Variants in GRIN3A observed in about 807,000 individuals in gnomAD.
GRIN3A encodes glutamate receptor ionotropic, NMDA 3A.
In GRIN3A, 47 loss-of-function variants were observed where a neutral mutation model predicts 92.4. The ratio of observed to expected loss-of-function variants is 0.51; its 90% confidence interval spans 0.40 to 0.65. GRIN3A has a LOEUF of 0.65. GRIN3A is among the 30% of genes least tolerant of loss of function. GRIN3A has a pLI of 0.00. For synonymous variants in GRIN3A, 527 were observed against 540.6 expected, an observed-to-expected ratio of 0.97 and a Z score of 0.35; for missense variants, 1,324 against 1,393.1, an observed-to-expected ratio of 0.95 and a Z score of 0.79.
Position 101,738,360 on chromosome 9 carries a change from G to A in GRIN3A, c.-381C>T, listed in dbSNP as rs115479633. 777 of 282,720 alleles carry A rather than the reference G, an allele frequency of 2.7e-3. 6 individuals carry two copies. The highest frequency in any genetic ancestry group is 0.017 in the African/African-American group (740 of 43,338). The allele number at this position is 282,720 out of a possible 1,614,324, so 17.5% of individuals were successfully genotyped here. A position where few individuals can be genotyped will look rare whatever the true frequency, so the allele number is the denominator to read the frequency against. On this transcript the variant is annotated 5_prime_UTR_variant, in exon 1 of 9. Coordinates refer to ENST00000361820, the MANE Select transcript of GRIN3A (RefSeq NM_133445.3). ...GGATGAGAAGCAGCCGGAGTTCCTC[G>A]GGGGCAGCAGTGACAGAGGAGCGAC... is the stretch of plus-strand genomic sequence containing the variant.
At position 101,569,964 on chromosome 9, in the gene GRIN3A, A is replaced by G. The variant is rs1350953660; in HGVS notation, c.*3210T>C. On this transcript the variant is annotated 3_prime_UTR_variant, in exon 9 of 9. Coordinates refer to ENST00000361820, the MANE Select transcript of GRIN3A (RefSeq NM_133445.3). ...TTACCACTTTTCTGGCTGGAAGGGAAGCAGCAGCTCTTGATAGGGTTTGTG... is the reference window on the plus strand; with the variant it reads ...TTACCACTTTTCTGGCTGGAAGGGAGGCAGCAGCTCTTGATAGGGTTTGTG... The G allele has an allele frequency of 1.3e-5, 2 of 152,254 alleles. No homozygotes were observed. The highest frequency in any genetic ancestry group is 3.9e-4 in the East Asian group (2 of 5,182). The allele number at this position is 152,254 out of a possible 1,614,324, so 9.4% of individuals were successfully genotyped here.
chr9:101,632,247 ACCTGTAACAC>A (rs1361903138), intron 3 of GRIN3A, among the ~76,000 whole-genome samples: 2 of 152,160 alleles, frequency 1.3e-5, no homozygotes, highest in Non-Finnish European at 2.9e-5. Flanking sequence ...TGACCCCTAG[ACCTGTAACAC>A]CCTCCCATTA....
intron 3 of GRIN3A, among the ~76,000 whole-genome samples, chr9:101,659,134 T>A (rs1055321289): frequency 6.6e-6 from 1 of 151,888 alleles, no homozygotes; most frequent in African/African-American, 2.4e-5. Context: ...AAAATAAGAT[T>A]CTTCACAGAG....
At chr9:101,666,246 T>G (rs1030548962) in intron 3 of GRIN3A, among the ~76,000 whole-genome samples, 1 of 151,984 alleles carries the variant, frequency 6.6e-6, no homozygotes, top group Non-Finnish European at 1.5e-5. Flanking sequence ...TCTGCCAGGA[T>G]TCTTACTAGC....
chr9:101,644,844 T>A (rs1828915995), intron 3 of GRIN3A, among the ~76,000 whole-genome samples: 1 of 151,936 alleles, frequency 6.6e-6, no homozygotes, highest in Non-Finnish European at 1.5e-5. Context: ...CAGAGCTTGT[T>A]ATTTAGATGT....
chr9:101,574,167 A>G (rs1198039914), intron 8 of GRIN3A, among the ~76,000 whole-genome samples: 1 of 152,184 alleles, frequency 6.6e-6, no homozygotes, highest in African/African-American at 2.4e-5. Context: ...AATGAAAGTC[A>G]TATAGAAAGC....
At chr9:101,599,210 G>A (rs1002310675) in intron 6 of GRIN3A, among the ~76,000 whole-genome samples, 6 of 152,194 alleles carry the variant, frequency 3.9e-5, no homozygotes, top group Non-Finnish European at 7.3e-5. Context: ...GTCAGATGAG[G>A]TAGCGTATAT....
chr9:101,601,582 G>A (rs1159797583), intron 6 of GRIN3A, among the ~76,000 whole-genome samples: 3 of 152,166 alleles, frequency 2.0e-5, no homozygotes, highest in African/African-American at 2.4e-5. Context: ...CCCCTAGTTC[G>A]GGAGGCTAGA....
Position 101,570,802 on chromosome 9 carries a change from A to T in GRIN3A, c.*2372T>A, listed in dbSNP as rs1315409629. The T allele has an allele frequency of 6.5e-6, 1 of 152,696 alleles. No individual in the cohort carries two copies. Among genetic ancestry groups the T allele is most frequent in the African/African-American group, 2.4e-5 (1 of 41,466 alleles). 9.5% of individuals were successfully genotyped at this position (152,696 alleles called of 1,614,324 possible). ...GCAGACTTACAAAACAGATACATTAAGGGATAATTAATTGCATTACAAAAG... is the reference window on the plus strand; with the variant it reads ...GCAGACTTACAAAACAGATACATTATGGGATAATTAATTGCATTACAAAAG... On this transcript the variant is annotated 3_prime_UTR_variant, in exon 9 of 9. Transcript: ENST00000361820.
At chr9:101,665,800 C>G (rs1444468253) in intron 3 of GRIN3A, among the ~76,000 whole-genome samples, 2 of 152,012 alleles carry the variant, frequency 1.3e-5, no homozygotes, top group Admixed American at 6.6e-5. Context: ...GAAAAATACT[C>G]AAAAAATTAA....
intron 3 of GRIN3A, among the ~76,000 whole-genome samples, chr9:101,667,263 A>G (rs1195263049): frequency 6.6e-6 from 1 of 151,950 alleles, no homozygotes. Flanking sequence ...AAATAGGTAT[A>G]CTTTATAGGT....
intron 6 of GRIN3A, among the ~76,000 whole-genome samples, chr9:101,585,178 C>T (rs918794323): frequency 2.0e-5 from 3 of 152,176 alleles, no homozygotes; most frequent in African/African-American, 7.2e-5. Context: ...CAGTTTTCAC[C>T]TTATTCATGT....
chr9:101,667,581 T>C (rs368793549), intron 3 of GRIN3A, among the ~76,000 whole-genome samples: 191 of 152,116 alleles, frequency 1.3e-3, no homozygotes, highest in Non-Finnish European at 2.3e-3. Flanking sequence ...TACCTCTGAA[T>C]TGCTCTACCT....
intron 7 of GRIN3A, 152 bp from the exon 8 acceptor site, chr9:101,577,996 T>G (rs1827847532): frequency 4.6e-6 from 3 of 653,316 alleles, no homozygotes; most frequent in Non-Finnish European, 8.3e-6. Flanking sequence ...AGATCAACAT[T>G]CAGCCTCAAA....
chr9:101,737,728 C>A lies in GRIN3A; in HGVS notation c.252G>T (p.Gly84=), dbSNP rs772410050. 8.4e-5 allele frequency: 129 copies of A among 1,528,364 alleles called. No individual in the cohort carries two copies. The highest frequency in any genetic ancestry group is 1.0e-4 in the Non-Finnish European group (117 of 1,143,716). 94.7% of individuals were successfully genotyped at this position (1,528,364 alleles called of 1,614,324 possible). The change falls in exon 1 of 9, where the codon GGG becomes GGT. Residue 84 remains glycine, a synonymous_variant. Transcript: ENST00000361820. ...AGAQRDEPEP[G]TRRSPAPSPG... is the part of the protein sequence containing the mutation. ...GCGAGGGCGCCGGGGACCGCCTAGT[C>A]CCTGGCTCCGGCTCATCCCTCTGGG... is the stretch of plus-strand genomic sequence containing the variant.
chr9:101,628,476 C>A (rs907757979), intron 3 of GRIN3A, 75 bp from the exon 4 acceptor site: 1 of 1,439,564 alleles, frequency 6.9e-7, no homozygotes, highest in Admixed American at 1.8e-5. Context: ...TTTCATAATT[C>A]TTTGAAACTT....
At position 101,639,930 on chromosome 9, in the gene GRIN3A, TCTTAGG is replaced by T; in HGVS notation, c.2353-11535_2353-11530del. Among the ~76,000 whole-genome samples the T allele has an allele frequency of 2.0e-5, 3 of 152,332 alleles. No homozygotes were observed. In the South Asian group the frequency reaches 6.2e-4, roughly 32 times the overall value. On this transcript the variant is annotated intron_variant, in intron 3 of 8. Transcript: ENST00000361820. ...ATCCTTTCCTCTTGCTTTATTTTTC[TCTTAGG>T]CTAGCTCTTGGGGTTATCTCATAAT...
chr9:101,670,060 C>T lies in GRIN3A; in HGVS notation c.2352G>A (p.Lys784=). 1 of 1,605,454 alleles carries T rather than the reference C, an allele frequency of 6.2e-7. No individual in the cohort carries two copies. Residue 784 remains lysine, a splice_region_variant and synonymous_variant, in exon 3 of 9, where the codon AAG becomes AAA. Coordinates refer to ENST00000361820, the MANE Select transcript of GRIN3A (RefSeq NM_133445.3). ...AAGCTAAAGTAAAATGAAGTATTACCTTGGGGTCATGTATTCCAGAAAGCT... is the reference window on the plus strand; with the variant it reads ...AAGCTAAAGTAAAATGAAGTATTACTTTGGGGTCATGTATTCCAGAAAGCT... The part of the protein sequence containing the change: ...YEELSGIHDP[K]LHHPSQGFRF...
At chr9:101,677,084 C>A (rs1247810052) in intron 2 of GRIN3A, among the ~76,000 whole-genome samples, 1 of 149,656 alleles carries the variant, frequency 6.7e-6, no homozygotes, top group Non-Finnish European at 1.5e-5. Flanking sequence ...TTTGGATTGT[C>A]TTTTAGAACT....
Sources: gnomAD v4.1 joint callset for allele counts (sites outside exome capture counted in the v4.1 genomes callset) on GRCh38, gnomAD v4.1.1 for gene constraint, MANE v1.5 for transcripts, NCBI Gene and HGNC (gene_info 2026-07-23, HGNC 2026-07-21) for gene names.